Variants in SLC14A2 observed in about 807,000 individuals in gnomAD.
SLC14A2 encodes urea transporter 2.
Under a neutral mutation model 104.6 loss-of-function variants are expected in SLC14A2, and 91 were observed. The observed-to-expected ratio is 0.87, with a 90% confidence interval of 0.73 to 1.04. SLC14A2 has a LOEUF of 1.04. SLC14A2 is among the 50% of genes least tolerant of loss of function. The pLI is 0.00. For missense variants in SLC14A2, 1,189 were observed against 1,156.0 expected (o/e 1.03, Z -0.41); for synonymous variants, 476 against 466.4 (o/e 1.02, Z -0.27).
At chr18:45,327,806 T>C (rs984877841) in intron 1 of SLC14A2, among the ~76,000 whole-genome samples, 3 of 152,154 alleles carry the variant, frequency 2.0e-5, no homozygotes, top group African/African-American at 4.8e-5. Context: ...TGGTTGGGTG[T>C]GATGTATATT....
chr18:45,587,930 A>G (rs2044592044), intron 2 of SLC14A2, among the ~76,000 whole-genome samples: 1 of 152,116 alleles, frequency 6.6e-6, no homozygotes, highest in Admixed American at 6.5e-5. Flanking sequence ...CGCTATCCCC[A>G]TTTCATAACT....
At chr18:45,468,256 AG>A (rs2087180936) in intron 1 of SLC14A2, among the ~76,000 whole-genome samples, 1 of 152,186 alleles carries the variant, frequency 6.6e-6, no homozygotes, top group Non-Finnish European at 1.5e-5. Flanking sequence ...AGGAGGATAG[AG>A]TGGAGCCATC....
intron 2 of SLC14A2, among the ~76,000 whole-genome samples, chr18:45,535,964 A>C (rs898258271): frequency 3.3e-5 from 5 of 152,258 alleles, no homozygotes; most frequent in Non-Finnish European, 5.9e-5. Flanking sequence ...AAAGATAAAT[A>C]GATGAGATGG....
At chr18:45,582,567 C>A (rs917689461) in intron 2 of SLC14A2, among the ~76,000 whole-genome samples, 7 of 152,130 alleles carry the variant, frequency 4.6e-5, no homozygotes, top group African/African-American at 1.7e-4. Flanking sequence ...GTAAAATAAT[C>A]AATAAATACA....
chr18:45,277,828 A>C (rs1412587563), intron 1 of SLC14A2, among the ~76,000 whole-genome samples: 1 of 152,234 alleles, frequency 6.6e-6, no homozygotes, highest in Non-Finnish European at 1.5e-5. Context: ...CAGAGAACAA[A>C]AAGTTTCTGT....
chr18:45,285,024 T>C (rs911815193), intron 1 of SLC14A2, among the ~76,000 whole-genome samples: 8 of 141,388 alleles, frequency 5.7e-5, no homozygotes, highest in African/African-American at 9.3e-5. Context: ...GCATCCCAGG[T>C]TTGCACAAAA....
chr18:45,418,437 T>C (rs2086301782), intron 1 of SLC14A2, among the ~76,000 whole-genome samples: 1 of 152,144 alleles, frequency 6.6e-6, no homozygotes, highest in South Asian at 2.1e-4. Flanking sequence ...AGGCTGGTGA[T>C]TGGAAGGAGA....
chr18:45,232,900 C>T (rs549102105), intron 1 of SLC14A2, among the ~76,000 whole-genome samples: 4 of 152,308 alleles, frequency 2.6e-5, no homozygotes, highest in African/African-American at 9.6e-5. Flanking sequence ...GTGTAACTGG[C>T]TACCGGTGCT....
chr18:45,604,713 G>A (rs1050392184), intron 2 of SLC14A2, among the ~76,000 whole-genome samples: 1 of 152,166 alleles, frequency 6.6e-6, no homozygotes, highest in Non-Finnish European at 1.5e-5. Flanking sequence ...TTACATATGT[G>A]TACATACATC....
In SLC14A2 at chr18:45,379,092, C is replaced by T. The variant is rs2085806160; in HGVS notation, c.-124-104141C>T. Among the ~76,000 whole-genome samples, 6 of 152,296 alleles carry T rather than the reference C, an allele frequency of 3.9e-5. No individual in the cohort carries two copies. The South Asian group carries it at 1.2e-3, about 32-fold the overall frequency. On this transcript the variant is annotated intron_variant, in intron 1 of 20. Transcript: ENST00000586448. ...TACTTTTACCCAAACCCGAACAGTG[C>T]CTGGGGTGACCTAACAGGACACATT...
intron 1 of SLC14A2, among the ~76,000 whole-genome samples, chr18:45,481,968 G>C (rs916601952): frequency 2.0e-5 from 3 of 152,044 alleles, no homozygotes; most frequent in Admixed American, 6.6e-5. Context: ...CTTGTTTGGG[G>C]CTTTGGTTTC....
intron 1 of SLC14A2, among the ~76,000 whole-genome samples, chr18:45,352,481 C>G (rs2085512968): frequency 6.6e-6 from 1 of 152,052 alleles, no homozygotes; most frequent in African/African-American, 2.4e-5. Flanking sequence ...CTTCTGTCTT[C>G]CCATTCTTCC....
chr18:45,636,596 G>A (rs2045420194), intron 5 of SLC14A2, among the ~76,000 whole-genome samples: 1 of 152,094 alleles, frequency 6.6e-6, no homozygotes, highest in African/African-American at 2.4e-5. Flanking sequence ...TCAGAGCCTT[G>A]AACAATAGTC....
chr18:45,272,531 A>G (rs1240634130), intron 1 of SLC14A2, among the ~76,000 whole-genome samples: 3 of 152,098 alleles, frequency 2.0e-5, no homozygotes, highest in Admixed American at 6.6e-5. Context: ...TAAAATTCAA[A>G]TCAATTGATT....
At chr18:45,435,153 T>A (rs937147849) in intron 1 of SLC14A2, 5 of 152,126 alleles carry the variant, frequency 3.3e-5, no homozygotes, top group Admixed American at 6.5e-5. Flanking sequence ...TGCAATCAGG[T>A]CCTCTCTGGA....
chr18:45,294,116 C>T (rs1480866397), intron 1 of SLC14A2, among the ~76,000 whole-genome samples: 3 of 152,042 alleles, frequency 2.0e-5, no homozygotes, highest in Non-Finnish European at 4.4e-5. Flanking sequence ...TCAAAGGATG[C>T]CTCCACATAG....
chr18:45,641,382 C>T (rs371660316), intron 8 of SLC14A2, 39 bp downstream of exon 8: 1 of 1,610,946 alleles, frequency 6.2e-7, no homozygotes, highest in African/African-American at 1.3e-5. Flanking sequence ...GTTATTCTGG[C>T]TATTCCTTCC....
the SLC14A2 span, among the ~76,000 whole-genome samples, chr18:45,200,699 C>T: frequency 6.6e-6 from 1 of 152,006 alleles, no homozygotes; most frequent in Non-Finnish European, 1.5e-5. Context: ...CTGTTGAATG[C>T]CATTGTTTTC....
chr18:45,251,524 A>G (rs1182639203), intron 1 of SLC14A2, among the ~76,000 whole-genome samples: 1 of 152,214 alleles, frequency 6.6e-6, no homozygotes, highest in African/African-American at 2.4e-5. Flanking sequence ...CACATACTGA[A>G]TGGCTTAAAC....
Sources: gnomAD v4.1 joint callset for allele counts (sites outside exome capture counted in the v4.1 genomes callset) on GRCh38, gnomAD v4.1.1 for gene constraint, MANE v1.5 for transcripts, NCBI Gene and HGNC (gene_info 2026-07-23, HGNC 2026-07-21) for gene names.